The following INPP4B variants were observed in gnomAD, a reference collection of about 807,000 sequenced individuals.
The protein encoded by INPP4B is inositol polyphosphate 4-phosphatase type II.
In INPP4B, 55 loss-of-function variants were observed where a neutral mutation model predicts 122.5. The observed-to-expected ratio is 0.45, with a 90% CI of 0.36 to 0.56. INPP4B has a LOEUF of 0.56. Ranked by LOEUF, INPP4B falls within the 20% of genes least tolerant of loss-of-function variation. INPP4B has a pLI of 0.00. For missense variants in INPP4B, 1,000 were observed against 1,097.7 expected (o/e 0.91, Z 1.26); for synonymous variants, 403 against 388.7 (o/e 1.04, Z -0.43).
chr4:142,598,056 T>C (rs971934528), intron 2 of INPP4B, among the ~76,000 whole-genome samples: 5 of 152,118 alleles, frequency 3.3e-5, no homozygotes, highest in Non-Finnish European at 7.3e-5. Flanking sequence ...TTATGAATAA[T>C]CATACCATGA....
chr4:142,680,137 G>A (rs1303483643), intron 2 of INPP4B, among the ~76,000 whole-genome samples: 2 of 151,734 alleles, frequency 1.3e-5, no homozygotes, highest in Non-Finnish European at 2.9e-5. Flanking sequence ...CTTAGCCAGT[G>A]AATTCAAACT....
chr4:142,116,072 T>C (rs1578957167), intron 21 of INPP4B, among the ~76,000 whole-genome samples: 1 of 152,132 alleles, frequency 6.6e-6, no homozygotes, highest in Non-Finnish European at 1.5e-5. Flanking sequence ...AGAAAGCCAT[T>C]ACATAATGGT....
chr4:142,217,725 A>T (rs1561515464), intron 12 of INPP4B, among the ~76,000 whole-genome samples: 1 of 152,124 alleles, frequency 6.6e-6, no homozygotes, highest in Non-Finnish European at 1.5e-5. Flanking sequence ...GAGATTTTTG[A>T]GGGAGATTAA....
chr4:142,431,530 G>A, intron 3 of INPP4B, 145 bp from the exon 4 acceptor site: 1 of 453,694 alleles, frequency 2.2e-6, no homozygotes, highest in Non-Finnish European at 4.0e-6. Context: ...ATTCCACACA[G>A]TTAATGCATC....
intron 1 of INPP4B, among the ~76,000 whole-genome samples, chr4:142,764,071 G>A (rs779620485): frequency 1.3e-5 from 2 of 151,940 alleles, no homozygotes; most frequent in African/African-American, 2.4e-5. Context: ...TTATGAGAGC[G>A]TAAATTTTTC....
At chr4:142,202,830 T>C in intron 14 of INPP4B, 1 of 948,244 alleles carries the variant, frequency 1.1e-6, no homozygotes, top group South Asian at 4.9e-5. Flanking sequence ...TGTGTTTCAC[T>C]CATGCAAACT....
rs546111218 is a variant in INPP4B, at chr4:142,556,519, A to C, written c.-190-93793T>G. On this transcript the variant is annotated intron_variant, in intron 2 of 25. Transcript: ENST00000262992. ...GTAGTTTTGGGAATAAAGGAGAAAGAGGCATAAAGAAAGAATCTGAGGCTT... is the reference window on the plus strand; with the variant it reads ...GTAGTTTTGGGAATAAAGGAGAAAGCGGCATAAAGAAAGAATCTGAGGCTT... Among the ~76,000 whole-genome samples, 4 of 152,326 alleles carry C rather than the reference A, an allele frequency of 2.6e-5. No homozygotes were observed. In the South Asian group the frequency reaches 8.3e-4, roughly 32 times the overall value.
intron 2 of INPP4B, among the ~76,000 whole-genome samples, chr4:142,520,299 G>A (rs1825920800): frequency 6.6e-6 from 1 of 151,902 alleles, no homozygotes; most frequent in African/African-American, 2.4e-5. Flanking sequence ...CTGCTCTTCT[G>A]AAACATTAAG....
chr4:142,258,593 A>T (rs1184287661), intron 11 of INPP4B, among the ~76,000 whole-genome samples: 1 of 152,252 alleles, frequency 6.6e-6, no homozygotes, highest in African/African-American at 2.4e-5. Flanking sequence ...GCCAAAAAAC[A>T]CATGAAAAAA....
At chr4:142,184,392 C>T (rs990604334) in intron 15 of INPP4B, among the ~76,000 whole-genome samples, 2 of 152,158 alleles carry the variant, frequency 1.3e-5, no homozygotes, top group African/African-American at 4.8e-5. Context: ...TAGTTGTTTT[C>T]AAAGCCTATA....
At chr4:142,578,806 A>G (rs766808808) in intron 2 of INPP4B, among the ~76,000 whole-genome samples, 28 of 151,994 alleles carry the variant, frequency 1.8e-4, no homozygotes, top group Non-Finnish European at 3.5e-4. Context: ...ATGAGCTTAC[A>G]ATTGGACCTC....
intron 9 of INPP4B, among the ~76,000 whole-genome samples, chr4:142,277,037 T>G (rs1468939999): frequency 6.6e-6 from 1 of 151,962 alleles, no homozygotes; most frequent in Non-Finnish European, 1.5e-5. Context: ...AGGAGTTAGG[T>G]GGTGTTGCAT....
chr4:142,537,310 A>G (rs1241681113), intron 2 of INPP4B, among the ~76,000 whole-genome samples: 2 of 150,600 alleles, frequency 1.3e-5, no homozygotes, highest in Admixed American at 6.6e-5. Context: ...TATACCTTAG[A>G]TAGAGGCTGA....
At chr4:142,754,539 T>G (rs1466218848) in intron 1 of INPP4B, among the ~76,000 whole-genome samples, 1 of 152,046 alleles carries the variant, frequency 6.6e-6, no homozygotes, top group East Asian at 1.9e-4. Context: ...GAGTAGCATT[T>G]TAAATACAGG....
chr4:142,312,164 A>T (rs1010338779), intron 8 of INPP4B, among the ~76,000 whole-genome samples: 1 of 152,158 alleles, frequency 6.6e-6, no homozygotes, highest in Admixed American at 6.5e-5. Context: ...TAATAAATGT[A>T]CCCCATTGTA....
At chr4:142,143,139 C>T (rs1368751132) in intron 18 of INPP4B, among the ~76,000 whole-genome samples, 1 of 152,084 alleles carries the variant, frequency 6.6e-6, no homozygotes, top group Non-Finnish European at 1.5e-5. Flanking sequence ...CTGTGATCCA[C>T]TCCTTGGTTT....
intron 2 of INPP4B, among the ~76,000 whole-genome samples, chr4:142,505,117 T>C (rs1214438907): frequency 6.6e-6 from 1 of 151,910 alleles, no homozygotes; most frequent in Non-Finnish European, 1.5e-5. Flanking sequence ...GGTATGCCTG[T>C]AGTCCCAGCT....
At chr4:142,154,006 T>C (rs1435670177) in intron 17 of INPP4B, among the ~76,000 whole-genome samples, 3 of 152,158 alleles carry the variant, frequency 2.0e-5, no homozygotes, top group African/African-American at 2.4e-5. Flanking sequence ...TTGGGTGATA[T>C]AGACTGGAGA....
chr4:142,313,212 C>T (rs138086555), intron 8 of INPP4B, among the ~76,000 whole-genome samples: 2 of 152,222 alleles, frequency 1.3e-5, no homozygotes, highest in Admixed American at 1.3e-4. Flanking sequence ...ATCTACACGA[C>T]TGGGCCAAAA....
Sources: gnomAD v4.1 joint callset for allele counts (sites outside exome capture counted in the v4.1 genomes callset) on GRCh38, gnomAD v4.1.1 for gene constraint, MANE v1.5 for transcripts, NCBI Gene and HGNC (gene_info 2026-07-23, HGNC 2026-07-21) for gene names.